The following HEPH variants were observed in gnomAD, a reference collection of about 807,000 sequenced individuals.
HEPH encodes the protein hephaestin.
HEPH carries 69 observed loss-of-function variants against 80.8 expected under a neutral mutation model. The ratio of observed to expected loss-of-function variants is 0.85; its 90% CI spans 0.70 to 1.04. The LOEUF is 1.04. Among genes scored for constraint, HEPH ranks in the 50% least tolerant of loss-of-function variants. The probability of loss-of-function intolerance (pLI) is 0.00; values close to 1 mark genes in which losing one functional copy is unlikely to be tolerated. For synonymous variants in HEPH, 431 were observed against 322.8 expected (o/e 1.34, Z -3.60); for missense variants, 1,115 against 891.3 (o/e 1.25, Z -3.20).
chrX:66,215,286 C>G (rs1490779281), intron 15 of HEPH, among the ~76,000 whole-genome samples: 4 of 110,755 alleles, frequency 3.6e-5, no homozygotes, highest in Non-Finnish European at 7.6e-5. Flanking sequence ...GAACCTGTAT[C>G]TAGTAGTCTT....
intron 15 of HEPH, among the ~76,000 whole-genome samples, chrX:66,223,787 T>G (rs923388662): frequency 4.5e-5 from 5 of 112,165 alleles, no homozygotes; most frequent in African/African-American, 1.6e-4. Flanking sequence ...CTCCTTCTAA[T>G]CTTTTTACCA....
chrX:66,267,399 T>C (rs1461475727), downstream of HEPH: 1 of 112,132 alleles, frequency 8.9e-6, no homozygotes, highest in Non-Finnish European at 1.9e-5. Flanking sequence ...AGACTGAATT[T>C]GGTGATTTTT....
intron 15 of HEPH, among the ~76,000 whole-genome samples, chrX:66,251,014 G>A (rs2090984898): frequency 8.9e-6 from 1 of 111,752 alleles, no homozygotes; most frequent in African/African-American, 3.3e-5. Context: ...CTCCCGAGTA[G>A]CTGGGATTAC....
intron 19 of HEPH, among the ~76,000 whole-genome samples, chrX:66,261,080 T>C (rs771309845): frequency 9.0e-6 from 1 of 111,644 alleles, no homozygotes; most frequent in Non-Finnish European, 1.9e-5. Context: ...CCTGGCCTAG[T>C]TTTTATTTTT....
chrX:66,188,613 G>A, intron 5 of HEPH, 72 bp downstream of exon 5: 1 of 917,095 alleles, frequency 1.1e-6, no homozygotes, highest in Non-Finnish European at 1.5e-6. Flanking sequence ...CCTAGTATTT[G>A]GTGGATGCTT....
chrX:66,182,054 T>C (rs1602238110), intron 4 of HEPH, among the ~76,000 whole-genome samples: 1 of 105,448 alleles, frequency 9.5e-6, no homozygotes, highest in African/African-American at 3.4e-5. Context: ...GTTCCATTGA[T>C]CTATATCTCT....
At chrX:66,177,899 A>C (rs149671091) in intron 4 of HEPH, among the ~76,000 whole-genome samples, 1 of 109,712 alleles carries the variant, frequency 9.1e-6, no homozygotes, top group African/African-American at 3.4e-5. Context: ...TGTATCCCAG[A>C]GGTTTGGTTT....
At chrX:66,175,811 C>T in intron 4 of HEPH, among the ~76,000 whole-genome samples, 1 of 111,118 alleles carries the variant, frequency 9.0e-6, no homozygotes, top group East Asian at 2.8e-4. Flanking sequence ...ATTTGATTCC[C>T]TGCTTGGTCA....
chrX:66,215,009 CA>C (rs915088632), intron 15 of HEPH, among the ~76,000 whole-genome samples: 1 of 111,355 alleles, frequency 9.0e-6, no homozygotes, highest in Admixed American at 9.6e-5. Flanking sequence ...TTCTCAAATA[CA>C]GCTAAAATTT....
intron 12 of HEPH, among the ~76,000 whole-genome samples, chrX:66,201,931 T>A (rs1440650782): frequency 1.8e-5 from 2 of 112,050 alleles, no homozygotes; most frequent in Non-Finnish European, 3.8e-5. Flanking sequence ...ATAGAAGAAG[T>A]AGATGTGGAA....
intron 4 of HEPH, 64 bp from the exon 5 acceptor site, chrX:66,188,295 C>T: frequency 1.2e-6 from 1 of 828,001 alleles, no homozygotes; most frequent in East Asian, 3.5e-5. Context: ...TTATGAGTAC[C>T]CCTTTCAGCT....
chrX:66,261,544 T>G (rs750313472), intron 19 of HEPH, among the ~76,000 whole-genome samples: 1 of 109,892 alleles, frequency 9.1e-6, no homozygotes, highest in South Asian at 3.9e-4. Flanking sequence ...CTGTGTTTTT[T>G]TTTTTTTTTT....
intron 15 of HEPH, among the ~76,000 whole-genome samples, chrX:66,232,669 C>T (rs2090198459): frequency 9.0e-6 from 1 of 110,555 alleles, no homozygotes; most frequent in African/African-American, 3.3e-5. Context: ...AGAAAACTAC[C>T]TGTACACCCA....
intron 4 of HEPH, among the ~76,000 whole-genome samples, chrX:66,180,650 ATT>A (rs766943495): frequency 8.5e-4 from 41 of 48,182 alleles, no homozygotes; most frequent in African/African-American, 2.7e-3. Flanking sequence ...TCACAGCTGT[ATT>A]TTTTTTTTTC....
At position 66,195,080 on chromosome X, in the gene HEPH, C is replaced by T; in HGVS notation, c.1370-18C>T. 7 of 1,172,547 alleles carry T rather than the reference C, an allele frequency of 6.0e-6. No homozygotes were observed. Among genetic ancestry groups the T allele is most frequent in the Non-Finnish European group, 8.0e-6 (7 of 875,261 alleles). ...ATCCCTTTCATCATTCTCATTGTCTCTCCTTCCCATTTTCCAGGGCCAGTG... is the reference window on the plus strand; with the variant it reads ...ATCCCTTTCATCATTCTCATTGTCTTTCCTTCCCATTTTCCAGGGCCAGTG... On this transcript the variant is annotated intron_variant, in intron 8 of 20. Transcript: ENST00000343002.
chrX:66,255,621 C>G (rs1479551201), intron 16 of HEPH, among the ~76,000 whole-genome samples: 2 of 111,596 alleles, frequency 1.8e-5, no homozygotes, highest in Non-Finnish European at 3.8e-5. Flanking sequence ...ACATTTTAGG[C>G]ATTTTACTTG....
chrX:66,203,769 A>G (rs2088612021), intron 13 of HEPH, among the ~76,000 whole-genome samples, 192 bp downstream of exon 13: 1 of 111,194 alleles, frequency 9.0e-6, no homozygotes, highest in African/African-American at 3.3e-5. Context: ...ATAGGGAGGG[A>G]ATAAAGCTTG....
At chrX:66,166,661 CCTA>C (rs1281797499) in intron 1 of HEPH, among the ~76,000 whole-genome samples, 1 of 111,746 alleles carries the variant, frequency 8.9e-6, no homozygotes, top group African/African-American at 3.3e-5. Context: ...TTATCAGGTG[CCTA>C]CTAAGTCCCA....
intron 20 of HEPH, among the ~76,000 whole-genome samples, chrX:66,265,286 C>T (rs1466835585): frequency 9.0e-6 from 1 of 110,742 alleles, no homozygotes; most frequent in East Asian, 2.8e-4. Context: ...CGCTATTTTT[C>T]AGCGTCTATA....
Sources: allele counts gnomAD v4.1 joint callset (sites outside exome capture counted in the v4.1 genomes callset), GRCh38; gene constraint gnomAD v4.1.1; transcripts MANE v1.5; gene names NCBI Gene and HGNC (gene_info 2026-07-23, HGNC 2026-07-21).